IRAK3: variants seen among roughly 807,000 people sequenced by gnomAD.
IRAK3 encodes interleukin 1 receptor associated kinase 3.
IRAK3 carries 57 observed loss-of-function variants against 56.6 expected under a neutral mutation model. The observed-to-expected ratio is 1.01, with a 90% CI of 0.81 to 1.26. The LOEUF is 1.26. Ranked by LOEUF, IRAK3 falls within the 50% of genes most tolerant of loss-of-function variation. The pLI, the probability that IRAK3 is intolerant of heterozygous loss-of-function variation, is 0.00. For synonymous variants in IRAK3, 258 were observed against 255.7 expected, an observed-to-expected ratio of 1.01 and a Z score of -0.09; for missense variants, 703 against 719.0, an observed-to-expected ratio of 0.98 and a Z score of 0.25.
chr12:66,240,923 G>A (rs1362929983), intron 8 of IRAK3, among the ~76,000 whole-genome samples: 1 of 151,250 alleles, frequency 6.6e-6, no homozygotes, highest in Non-Finnish European at 1.5e-5. Flanking sequence ...GCCAAATATG[G>A]TATTTTCACT....
Position 66,253,732 on chromosome 12 carries a change from T to C in IRAK3, c.*5561T>C, listed in dbSNP as rs2053125024. On this transcript the variant is annotated 3_prime_UTR_variant, in exon 12 of 12. Transcript: ENST00000261233. ...TACTTGCGGAAATGCAGGCTCATTG[T>C]TGTGTCTAGTAGGTGCTAGGTGCAT... 1 of 152,232 alleles carries C rather than the reference T, an allele frequency of 6.6e-6. No individual in the cohort carries two copies. The highest frequency in any genetic ancestry group is 2.4e-5 in the African/African-American group (1 of 41,462). 9.4% of individuals were successfully genotyped at this position (152,232 alleles called of 1,614,324 possible).
chr12:66,248,748 G>A lies in IRAK3; in HGVS notation c.*577G>A. The A allele has an allele frequency of 6.5e-6, 1 of 152,842 alleles. No individual in the cohort carries two copies. Among genetic ancestry groups the A allele is most frequent in the East Asian group, 1.9e-4 (1 of 5,180 alleles). The allele number at this position is 152,842 out of a possible 1,614,324, so 9.5% of individuals were successfully genotyped here. The stretch of plus-strand genomic sequence containing the variant: ...TCACCCTTAGCTACGGCATGCTCTG[G>A]GTTGAAAGGGGATTTCTTCCCAAGA... On this transcript the variant is annotated 3_prime_UTR_variant, in exon 12 of 12. Coordinates refer to ENST00000261233, the MANE Select transcript of IRAK3 (RefSeq NM_007199.3).
At chr12:66,208,628 G>A (rs1173236531) in intron 2 of IRAK3, among the ~76,000 whole-genome samples, 1 of 151,474 alleles carries the variant, frequency 6.6e-6, no homozygotes, top group African/African-American at 2.4e-5. Flanking sequence ...GTGCATGGTG[G>A]CAGGGGTTTG....
chr12:66,221,352 C>CT (rs1169998217), intron 6 of IRAK3, among the ~76,000 whole-genome samples: 1 of 152,002 alleles, frequency 6.6e-6, no homozygotes, highest in Non-Finnish European at 1.5e-5. Flanking sequence ...GCTTTTATTT[C>CT]TTTTTTATTG....
chr12:66,202,910 T>C (rs996259602), intron 1 of IRAK3, among the ~76,000 whole-genome samples: 6 of 151,352 alleles, frequency 4.0e-5, no homozygotes, highest in Non-Finnish European at 8.8e-5. Context: ...TTAATGATAG[T>C]ACTGGATTTT....
At chr12:66,220,391 T>G (rs575094896) in intron 6 of IRAK3, among the ~76,000 whole-genome samples, 5 of 152,146 alleles carry the variant, frequency 3.3e-5, no homozygotes, top group Admixed American at 6.5e-5. Flanking sequence ...ATTTTTTTTT[T>G]TAAATTCTAT....
At chr12:66,215,204 G>A (rs976458431) in intron 5 of IRAK3, among the ~76,000 whole-genome samples, 2 of 152,018 alleles carry the variant, frequency 1.3e-5, no homozygotes, top group Non-Finnish European at 1.5e-5. Flanking sequence ...GCCCCAATTC[G>A]TACATTGTCT....
intron 11 of IRAK3, among the ~76,000 whole-genome samples, chr12:66,247,279 CAA>C (rs1408746136): frequency 6.8e-6 from 1 of 146,404 alleles, no homozygotes; most frequent in Non-Finnish European, 1.5e-5. Context: ...CAAAAAAAAA[CAA>C]AACAAACAAA....
chr12:66,222,452 G>T (rs1300716874), intron 6 of IRAK3, among the ~76,000 whole-genome samples: 2 of 151,866 alleles, frequency 1.3e-5, no homozygotes, highest in African/African-American at 4.8e-5. Flanking sequence ...TTTCCAGATT[G>T]TTGGCATACG....
intron 1 of IRAK3, among the ~76,000 whole-genome samples, chr12:66,189,782 C>T (rs11465938): frequency 0.01 from 1,542 of 152,246 alleles, 40 homozygotes; most frequent in African/African-American, 0.035. Context: ...CAAAATCACC[C>T]CAGAACATCA....
intron 8 of IRAK3, among the ~76,000 whole-genome samples, chr12:66,232,549 T>C (rs2052854709): frequency 6.6e-6 from 1 of 152,178 alleles, no homozygotes; most frequent in Admixed American, 6.5e-5. Flanking sequence ...CAGATGGTAA[T>C]GACAGTCAGT....
chr12:66,209,052 G>A (rs1213981809), intron 2 of IRAK3, among the ~76,000 whole-genome samples: 2 of 145,022 alleles, frequency 1.4e-5, no homozygotes, highest in African/African-American at 5.1e-5. Context: ...CAGCCTGGGC[G>A]AGAGTGAGAG....
In IRAK3 at chr12:66,245,230, A is replaced by G. The variant is rs2053017153; in HGVS notation, c.1282A>G (p.Thr428Ala). ...LFCLAGRCAA[T>A]RAKLRPSMDE... Reference sequence around the variant, plus strand: ...CTGTTTGGCAGGCCGGTGTGCTGCAACGCGGGCAAAGTTAAGACCATCAAT... The same window carrying G: ...CTGTTTGGCAGGCCGGTGTGCTGCAGCGCGGGCAAAGTTAAGACCATCAAT... The change falls in exon 11 of 12, where the codon ACG becomes GCG. Residue 428 changes from threonine (T) to alanine (A), a missense_variant. Thr to Ala is a moderately conservative substitution (Grantham distance 58, BLOSUM62 0). Transcript: ENST00000261233. The G allele has an allele frequency of 3.1e-6, 5 of 1,614,186 alleles. No homozygotes were observed. In the Middle Eastern group the frequency reaches 8.2e-4, roughly 266 times the overall value.
intron 1 of IRAK3, among the ~76,000 whole-genome samples, chr12:66,191,185 TA>T (rs2052395604): frequency 6.6e-6 from 1 of 152,208 alleles, no homozygotes; most frequent in Non-Finnish European, 1.5e-5. Flanking sequence ...TTGAGCTACC[TA>T]AAAGGGGGTA....
intron 8 of IRAK3, among the ~76,000 whole-genome samples, chr12:66,237,739 G>A (rs1471099319): frequency 6.6e-6 from 1 of 152,192 alleles, no homozygotes; most frequent in Non-Finnish European, 1.5e-5. Context: ...TTTCCCACAT[G>A]CAGGGTTGAA....
At chr12:66,216,088 T>A (rs1434652955) in intron 5 of IRAK3, among the ~76,000 whole-genome samples, 3 of 151,958 alleles carry the variant, frequency 2.0e-5, no homozygotes, top group African/African-American at 7.3e-5. Context: ...GAAGCTGGGG[T>A]TTTTTGGTCA....
intron 2 of IRAK3, among the ~76,000 whole-genome samples, chr12:66,207,600 G>A (rs553631497): frequency 2.0e-5 from 3 of 151,888 alleles, no homozygotes; most frequent in South Asian, 4.1e-4. Context: ...GTTCCTTAAT[G>A]TGAAAGTTTA....
At chr12:66,221,960 C>G (rs1048336865) in intron 6 of IRAK3, among the ~76,000 whole-genome samples, 1 of 152,138 alleles carries the variant, frequency 6.6e-6, no homozygotes, top group African/African-American at 2.4e-5. Flanking sequence ...ACCCGGGAGG[C>G]GGAGGTTGCA....
rs11465943 is a variant in IRAK3, at chr12:66,190,778, C to A, written c.133+1346C>A. Reference sequence around the variant, plus strand: ...GTACAAATTGGTTAAGTAACTTGTTCAGGTTCACCAGCTGGAAATGGAAGA... The same window carrying A: ...GTACAAATTGGTTAAGTAACTTGTTAAGGTTCACCAGCTGGAAATGGAAGA... On this transcript the variant is annotated intron_variant, in intron 1 of 11. Coordinates refer to ENST00000261233, the MANE Select transcript of IRAK3 (RefSeq NM_007199.3). Among the ~76,000 whole-genome samples the A allele has an allele frequency of 1.7e-3, 256 of 152,242 alleles. 1 individual carries two copies. The highest frequency in any genetic ancestry group is 5.7e-3 in the African/African-American group (237 of 41,544).
Sources: allele counts gnomAD v4.1 joint callset (sites outside exome capture counted in the v4.1 genomes callset), GRCh38; gene constraint gnomAD v4.1.1; transcripts MANE v1.5; gene names NCBI Gene and HGNC (gene_info 2026-07-23, HGNC 2026-07-21).